GABRB2: variants seen among roughly 807,000 people sequenced by gnomAD.
GABRB2 encodes gamma-aminobutyric acid receptor subunit beta-2.
A neutral mutation model predicts 54.7 loss-of-function variants in GABRB2; 16 were observed. The observed-to-expected ratio is 0.29, with a 90% confidence interval of 0.20 to 0.44. The LOEUF (loss-of-function observed/expected upper bound fraction) is 0.44. Among genes scored for constraint, GABRB2 ranks in the 20% least tolerant of loss-of-function variants. The probability of loss-of-function intolerance (pLI) is 1.00; values close to 1 mark genes in which losing one functional copy is unlikely to be tolerated. For synonymous variants in GABRB2, 244 were observed against 233.8 expected, an observed-to-expected ratio of 1.04 and a Z score of -0.40; for missense variants, 355 against 644.0, an observed-to-expected ratio of 0.55 and a Z score of 4.86.
At chr5:161,433,142 C>T (rs1757215825) in intron 4 of GABRB2, among the ~76,000 whole-genome samples, 1 of 151,782 alleles carries the variant, frequency 6.6e-6, no homozygotes, top group African/African-American at 2.4e-5. Flanking sequence ...AGAAGCACTC[C>T]AGAAAAAAAT....
intron 9 of GABRB2, among the ~76,000 whole-genome samples, chr5:161,321,446 G>T (rs185924827): frequency 6.6e-6 from 1 of 151,908 alleles, no homozygotes; most frequent in East Asian, 1.9e-4. Context: ...TTAGTTCTAC[G>T]TGTTATCTTT....
At chr5:161,541,711 T>C (rs559251304) in intron 3 of GABRB2, among the ~76,000 whole-genome samples, 1 of 152,256 alleles carries the variant, frequency 6.6e-6, no homozygotes, top group African/African-American at 2.4e-5. Flanking sequence ...TCTGGTAATC[T>C]GGCTTTGTCT....
chr5:161,319,220 T>C (rs1358849963), intron 9 of GABRB2, among the ~76,000 whole-genome samples: 5 of 150,484 alleles, frequency 3.3e-5, no homozygotes, highest in African/African-American at 1.2e-4. Context: ...GAGGCAAGAG[T>C]CAGAGTTTTT....
At chr5:161,374,381 T>C (rs1755222568) in intron 5 of GABRB2, among the ~76,000 whole-genome samples, 1 of 152,208 alleles carries the variant, frequency 6.6e-6, no homozygotes, top group South Asian at 2.1e-4. Context: ...CCTCACATAA[T>C]GGTCCCTACT....
intron 5 of GABRB2, among the ~76,000 whole-genome samples, chr5:161,370,150 A>G (rs185235829): frequency 6.6e-6 from 1 of 152,330 alleles, no homozygotes; most frequent in Non-Finnish European, 1.5e-5. Flanking sequence ...GCATTGGGAT[A>G]TGACCTTGTC....
chr5:161,385,972 G>C (rs950955762), intron 5 of GABRB2, among the ~76,000 whole-genome samples: 1 of 151,314 alleles, frequency 6.6e-6, no homozygotes, highest in African/African-American at 2.4e-5. Context: ...GTGTGTGTGT[G>C]TGTGTGTGTG....
intron 4 of GABRB2, among the ~76,000 whole-genome samples, chr5:161,449,060 T>C (rs765669771): frequency 1.3e-5 from 2 of 152,148 alleles, no homozygotes; most frequent in Non-Finnish European, 2.9e-5. Flanking sequence ...CTTGGAAATC[T>C]AGACTCTTCA....
chr5:161,492,268 T>C (rs1759107795), intron 3 of GABRB2, among the ~76,000 whole-genome samples: 1 of 151,846 alleles, frequency 6.6e-6, no homozygotes, highest in South Asian at 2.1e-4. Flanking sequence ...TGTTTTATCA[T>C]TGGACGTTAT....
intron 5 of GABRB2, among the ~76,000 whole-genome samples, chr5:161,398,911 A>G (rs1000718104): frequency 6.6e-6 from 1 of 152,062 alleles, no homozygotes; most frequent in African/African-American, 2.4e-5. Flanking sequence ...GATGGTATCG[A>G]TCTCTTCACT....
chr5:161,533,727 C>T (rs895478604), intron 3 of GABRB2, among the ~76,000 whole-genome samples: 2 of 152,158 alleles, frequency 1.3e-5, no homozygotes, highest in East Asian at 1.9e-4. Flanking sequence ...TCAATGTGCT[C>T]ATATGTTTGC....
At chr5:161,358,811 G>A (rs977420375) in intron 5 of GABRB2, among the ~76,000 whole-genome samples, 15 of 151,968 alleles carry the variant, frequency 9.9e-5, no homozygotes, top group African/African-American at 3.6e-4. Flanking sequence ...GAGGGGAGAA[G>A]GTATGAAGTA....
intron 7 of GABRB2, among the ~76,000 whole-genome samples, chr5:161,331,932 G>A (rs1753856060): frequency 1.3e-5 from 2 of 151,944 alleles, no homozygotes; most frequent in Non-Finnish European, 2.9e-5. Flanking sequence ...TTGGGAGGCC[G>A]AGGCGGGTGG....
intron 4 of GABRB2, among the ~76,000 whole-genome samples, chr5:161,438,732 T>C (rs371465808): frequency 2.0e-5 from 3 of 151,800 alleles, no homozygotes; most frequent in African/African-American, 7.2e-5. Context: ...CAAGCAAAAA[T>C]TGAGTGGAAG....
At chr5:161,510,445 T>G (rs140112127) in intron 3 of GABRB2, among the ~76,000 whole-genome samples, 1 of 152,000 alleles carries the variant, frequency 6.6e-6, no homozygotes, top group Non-Finnish European at 1.5e-5. Context: ...CATTCTTTTT[T>G]TATGGCCAAA....
chr5:161,422,474 G>C (rs1756879409), intron 4 of GABRB2, among the ~76,000 whole-genome samples: 1 of 152,032 alleles, frequency 6.6e-6, no homozygotes, highest in African/African-American at 2.4e-5. Context: ...ATAAGTGAAA[G>C]TTAAAATAGC....
At chr5:161,378,325 A>G (rs1326209785) in intron 5 of GABRB2, among the ~76,000 whole-genome samples, 1 of 152,146 alleles carries the variant, frequency 6.6e-6, no homozygotes, top group African/African-American at 2.4e-5. Context: ...CATGAGAAGA[A>G]AAATATCCAG....
chr5:161,360,844 C>T (rs1270551462), intron 5 of GABRB2, among the ~76,000 whole-genome samples: 3 of 150,826 alleles, frequency 2.0e-5, no homozygotes, highest in African/African-American at 4.9e-5. Context: ...AAAACAAACC[C>T]AAAACATAAC....
intron 4 of GABRB2, among the ~76,000 whole-genome samples, chr5:161,431,913 G>T (rs1304557162): frequency 1.3e-5 from 2 of 152,188 alleles, no homozygotes; most frequent in African/African-American, 4.8e-5. Context: ...GTATTCATAT[G>T]AAATGTTCAA....
At chr5:161,538,416 T>C (rs1206115259) in intron 3 of GABRB2, among the ~76,000 whole-genome samples, 1 of 152,184 alleles carries the variant, frequency 6.6e-6, no homozygotes, top group Non-Finnish European at 1.5e-5. Context: ...CGAAGGAACT[T>C]ATAGGAGACA....
Sources: gnomAD v4.1 joint callset for allele counts (sites outside exome capture counted in the v4.1 genomes callset) on GRCh38, gnomAD v4.1.1 for gene constraint, MANE v1.5 for transcripts, NCBI Gene and HGNC (gene_info 2026-07-23, HGNC 2026-07-21) for gene names.